RAB40C: variants seen among roughly 807,000 people sequenced by gnomAD.
RAB40C encodes RAB40C, member RAS oncogene family.
A neutral mutation model predicts 28.1 loss-of-function variants in RAB40C; 8 were observed. The ratio of observed to expected loss-of-function variants is 0.28; its 90% CI spans 0.17 to 0.51. The LOEUF is 0.51. Among genes scored for constraint, RAB40C ranks in the 20% least tolerant of loss-of-function variants. The probability of loss-of-function intolerance (pLI) is 0.97; values close to 1 mark genes in which losing one functional copy is unlikely to be tolerated. For synonymous variants in RAB40C, 201 were observed against 171.7 expected, an observed-to-expected ratio of 1.17 and a Z score of -1.34; for missense variants, 288 against 405.9, an observed-to-expected ratio of 0.71 and a Z score of 2.50.
At chr16:623,950 T>C in intron 3 of RAB40C, 1 of 985,182 alleles carries the variant, frequency 1.0e-6, no homozygotes, top group East Asian at 1.1e-4. Flanking sequence ...AAAAAGAAAA[T>C]GCCATCCGCA....
In RAB40C at chr16:625,419, G is replaced by A. The variant is rs2036809024; in HGVS notation, c.265-13G>A. On this transcript the variant is annotated splice_polypyrimidine_tract_variant and intron_variant, in intron 3 of 5. Coordinates refer to ENST00000248139, the MANE Select transcript of RAB40C (RefSeq NM_021168.5). ...GTCAGTGACCCCTGATGACCCCCAA[G>A]TCTCTGTTGCAGGGGATCCTCTTGG... The A allele has an allele frequency of 6.2e-7, 1 of 1,612,778 alleles. No individual in the cohort carries two copies. The highest frequency in any genetic ancestry group is 2.2e-5 in the East Asian group (1 of 44,864).
chr16:615,151 T>G (rs1333485138), intron 1 of RAB40C, among the ~76,000 whole-genome samples: 1 of 152,256 alleles, frequency 6.6e-6, no homozygotes, highest in Non-Finnish European at 1.5e-5. Flanking sequence ...AGGAGACGTG[T>G]GATCTGCAGA....
intron 3 of RAB40C, among the ~76,000 whole-genome samples, chr16:619,883 G>C (rs529282970): frequency 2.0e-5 from 3 of 152,338 alleles, no homozygotes; most frequent in East Asian, 3.9e-4. Context: ...TCTTCTACCT[G>C]CTGGCGGTGG....
intron 3 of RAB40C, chr16:624,041 C>T (rs1473702317): frequency 1.0e-5 from 10 of 985,368 alleles, no homozygotes; most frequent in Non-Finnish European, 1.2e-5. Flanking sequence ...TGCACTGCTG[C>T]TGTCTTCAGC....
intron 1 of RAB40C, among the ~76,000 whole-genome samples, chr16:592,385 C>T (rs889844704): frequency 5.3e-5 from 8 of 152,174 alleles, no homozygotes; most frequent in South Asian, 2.1e-4. Flanking sequence ...GCAGCAGCAC[C>T]GGGGGCTCTG....
rs1233847505 is a variant in RAB40C at position 610,037 on chromosome 16, C to T, written c.143-7171C>T. On this transcript the variant is annotated intron_variant, in intron 1 of 5. Transcript: ENST00000248139. This position sits in a 1 kb window ranked among gnomAD's most constrained non-coding sequence, Gnocchi z 4.6. ...GATGTGAACGGCACCAGCCTGGTGG[C>T]TCGGGTGCCAGGCCAGGGCCAGATG... is the stretch of plus-strand genomic sequence containing the variant. Among the ~76,000 whole-genome samples the T allele has an allele frequency of 2.0e-5, 3 of 152,222 alleles. No homozygotes were observed. The highest frequency in any genetic ancestry group is 4.4e-5 in the Non-Finnish European group (3 of 68,038).
chr16:611,927 G>C lies in RAB40C; in HGVS notation c.143-5281G>C, dbSNP rs542613383. 2.9e-3 allele frequency among the ~76,000 whole-genome samples: 119 copies of C among 40,794 alleles called. 9 individuals carry two copies. Among genetic ancestry groups the C allele is most frequent in the Non-Finnish European group, 4.3e-3 (99 of 23,144 alleles). The allele number at this position is 40,794 out of a possible 152,430, so 26.8% of individuals were successfully genotyped here. Reference sequence around the variant, plus strand: ...CACGGGACAGCCGCCCTGGCCTGTAGAATCAAGAGCAGGGACAGCCGCCCT... The same window carrying C: ...CACGGGACAGCCGCCCTGGCCTGTACAATCAAGAGCAGGGACAGCCGCCCT... On this transcript the variant is annotated intron_variant, in intron 1 of 5. Coordinates refer to ENST00000248139, the MANE Select transcript of RAB40C (RefSeq NM_021168.5).
intron 3 of RAB40C, among the ~76,000 whole-genome samples, chr16:619,865 A>G (rs143577846): frequency 0.026 from 3,918 of 152,238 alleles, 88 homozygotes; most frequent in South Asian, 0.076. Context: ...TCGGTGTTGG[A>G]TCTGATGTCT....
intron 1 of RAB40C, among the ~76,000 whole-genome samples, chr16:593,372 G>C (rs1429382072): frequency 6.6e-6 from 1 of 152,230 alleles, no homozygotes; most frequent in Non-Finnish European, 1.5e-5. Context: ...TCTGGCCCTC[G>C]TGGGAAGGAC....
At chr16:620,879 G>A (rs1419447168) in intron 3 of RAB40C, among the ~76,000 whole-genome samples, 3 of 152,086 alleles carry the variant, frequency 2.0e-5, no homozygotes, top group Non-Finnish European at 4.4e-5. Context: ...ACACAGGGAG[G>A]TCTGTGGGAC....
chr16:605,357 T>G (rs1216763409), intron 1 of RAB40C, among the ~76,000 whole-genome samples: 2 of 152,200 alleles, frequency 1.3e-5, no homozygotes, highest in African/African-American at 4.8e-5. Flanking sequence ...TTAATCAGCT[T>G]TATTGAGGTG....
intron 1 of RAB40C, among the ~76,000 whole-genome samples, chr16:593,683 T>C (rs1341738336): frequency 1.3e-5 from 2 of 152,226 alleles, no homozygotes; most frequent in African/African-American, 2.4e-5. Context: ...TACTGGCACC[T>C]GAGGCAGTGG....
chr16:601,006 C>T (rs2036238181), intron 1 of RAB40C, among the ~76,000 whole-genome samples: 1 of 152,216 alleles, frequency 6.6e-6, no homozygotes, highest in African/African-American at 2.4e-5. Flanking sequence ...GCCTGCCCCT[C>T]TGTCTGCCTC....
intron 1 of RAB40C, among the ~76,000 whole-genome samples, chr16:605,048 A>T (rs1422950633): frequency 1.3e-5 from 2 of 152,046 alleles, no homozygotes; most frequent in Non-Finnish European, 2.9e-5. Flanking sequence ...ACAGAGTGAG[A>T]CTTTGTCTCA....
chr16:627,281 C>G (rs537484537), intron 5 of RAB40C, 61 bp from the exon 6 acceptor site: 2 of 1,516,296 alleles, frequency 1.3e-6, no homozygotes, highest in African/African-American at 2.7e-5. Flanking sequence ...CACCTCAGGT[C>G]TCCCTGCACA....
intron 3 of RAB40C, 28 bp from the exon 4 acceptor site, chr16:625,404 C>T: frequency 1.9e-6 from 3 of 1,610,102 alleles, no homozygotes; most frequent in Non-Finnish European, 2.5e-6. Flanking sequence ...GTCAGTGACC[C>T]CTGATGACCC....
Position 590,701 on chromosome 16 carries a change from G to A in RAB40C, c.142+268G>A, listed in dbSNP as rs188205189. ...CGGGGTCTGGGGGACGGTGTCACGGGTCCGGGATCTCAGGGGAAGGTGTCA... is the reference window on the plus strand; with the variant it reads ...CGGGGTCTGGGGGACGGTGTCACGGATCCGGGATCTCAGGGGAAGGTGTCA... On this transcript the variant is annotated intron_variant, in intron 1 of 5. Transcript: ENST00000248139. 6.6e-5 allele frequency among the ~76,000 whole-genome samples: 10 copies of A among 152,336 alleles called. No homozygotes were observed. In the East Asian group the frequency reaches 1.9e-3, roughly 29 times the overall value.
At chr16:602,997 AG>A (rs1409928004) in intron 1 of RAB40C, among the ~76,000 whole-genome samples, 1 of 152,158 alleles carries the variant, frequency 6.6e-6, no homozygotes, top group Admixed American at 6.5e-5. Context: ...GAATTTTAAG[AG>A]ATAGGGTCTC....
chr16:609,403 C>T lies in RAB40C; in HGVS notation c.143-7805C>T, dbSNP rs149825765. 2.1e-3 allele frequency among the ~76,000 whole-genome samples: 317 copies of T among 152,224 alleles called. 1 individual carries two copies. The highest frequency in any genetic ancestry group is 7.4e-3 in the African/African-American group (307 of 41,536). On this transcript the variant is annotated intron_variant, in intron 1 of 5. Transcript: ENST00000248139. ...CCCCTCCTTGCCTGGGAACTCAGGG[C>T]CTCCTGATATGCAGATGGGAGCCCG...
Sources: allele counts gnomAD v4.1 joint callset (sites outside exome capture counted in the v4.1 genomes callset), GRCh38; gene constraint gnomAD v4.1.1; non-coding constraint Gnocchi (gnomAD v3.1); transcripts MANE v1.5; gene names NCBI Gene and HGNC (gene_info 2026-07-23, HGNC 2026-07-21).